Variants in WDR18 observed in about 807,000 individuals in gnomAD.
WDR18 encodes WD repeat-containing protein 18.
Under a neutral mutation model 49.6 loss-of-function variants are expected in WDR18, and 33 were observed. The observed-to-expected ratio is 0.67, with a 90% CI of 0.50 to 0.89. WDR18 has a LOEUF of 0.89. Ranked by LOEUF, WDR18 falls within the 40% of genes least tolerant of loss-of-function variation. WDR18 has a pLI of 0.00. For synonymous variants in WDR18, 315 were observed against 263.6 expected (o/e 1.19, Z -1.89); for missense variants, 653 against 593.6 (o/e 1.10, Z -1.04).
At chr19:990,150 TG>T (rs2038524051) in intron 3 of WDR18, 72 bp from the exon 4 acceptor site, 2 of 1,482,266 alleles carry the variant, frequency 1.3e-6, no homozygotes, top group Admixed American at 4.2e-5. Flanking sequence ...GTGCGTGAGG[TG>T]GGTGCTGGAG....
chr19:990,965 C>A lies in WDR18; in HGVS notation c.711C>A (p.Gly237=). The change falls in exon 5 of 10, where the codon GGC becomes GGA. Residue 237 remains glycine (G), a synonymous_variant. Coordinates refer to ENST00000585809, the MANE Select transcript of WDR18 (RefSeq NM_024100.4). ...EHHMFCGGSE[G]SIFQVDLFTW... ...ATATGTTCTGCGGGGGCAGTGAGGG[C>A]TCCATCTTCCAGGTCGACCTCTTCA... is the stretch of plus-strand genomic sequence containing the variant. 1 of 1,611,290 alleles carries A rather than the reference C, an allele frequency of 6.2e-7. No homozygotes were observed. The highest frequency in any genetic ancestry group is 8.5e-7 in the Non-Finnish European group (1 of 1,179,038).
intron 2 of WDR18, among the ~76,000 whole-genome samples, chr19:989,083 C>T (rs761656833): frequency 0.16 from 4,720 of 30,032 alleles, 439 homozygotes; most frequent in Non-Finnish European, 0.22. Flanking sequence ...AGCCCTCGAA[C>T]CCACAACCCC....
Position 994,181 on chromosome 19 carries a change from C to T in WDR18, c.1168-32C>T, listed in dbSNP as rs373356732. The T allele has an allele frequency of 1.8e-5, 29 of 1,578,160 alleles. No homozygotes were observed. The African/African-American group carries it at 2.7e-4, about 15-fold the overall frequency. ...CCCCCCTCCAGCACACCCCAGGCCA[C>T]TTCTGCCCTCTGACCCCGACTTCTC... On this transcript the variant is annotated intron_variant, in intron 9 of 9. Coordinates refer to ENST00000585809, the MANE Select transcript of WDR18 (RefSeq NM_024100.4).
chr19:992,815 G>C (rs1403836659), intron 8 of WDR18, among the ~76,000 whole-genome samples: 1 of 152,234 alleles, frequency 6.6e-6, no homozygotes, highest in African/African-American at 2.4e-5. Context: ...CCCGACCTTC[G>C]ATGAGCTGCC....
At chr19:986,348 C>T (rs1434590582) in intron 2 of WDR18, among the ~76,000 whole-genome samples, 1 of 152,220 alleles carries the variant, frequency 6.6e-6, no homozygotes, top group Non-Finnish European at 1.5e-5. Context: ...GTAGTCAATG[C>T]AACCTCTGCC....
intron 2 of WDR18, among the ~76,000 whole-genome samples, chr19:987,114 G>A (rs1355736059): frequency 2.6e-5 from 4 of 152,180 alleles, no homozygotes; most frequent in African/African-American, 4.8e-5. Flanking sequence ...AGGCTGAGAC[G>A]GGCAGATCAC....
At chr19:992,142 C>T in intron 8 of WDR18, 21 bp downstream of exon 8, 1 of 1,434,520 alleles carries the variant, frequency 7.0e-7, no homozygotes. Context: ...CAGCAGGGAA[C>T]CCCCACTGCC....
chr19:985,136 T>G (rs2145501394), intron 1 of WDR18, among the ~76,000 whole-genome samples: 2 of 152,208 alleles, frequency 1.3e-5, no homozygotes, highest in Middle Eastern at 6.8e-3. Flanking sequence ...CATTGCCTGA[T>G]GGAGTCTACA....
intron 9 of WDR18, 55 bp from the exon 10 acceptor site, chr19:994,158 C>G (rs2038599250): frequency 1.3e-6 from 2 of 1,552,890 alleles, no homozygotes; most frequent in Non-Finnish European, 8.7e-7. Context: ...GTGAGTGGCC[C>G]CCCTCCAGCA....
At position 991,638 on chromosome 19, in the gene WDR18, GGGGGCGTGGACTGGCTGT is replaced by G. The variant is rs1377522195; in HGVS notation, c.931+294_932-293del. 3.3e-5 allele frequency among the ~76,000 whole-genome samples: 3 copies of G among 90,254 alleles called. No individual in the cohort carries two copies. The East Asian group carries it at 1.1e-3, about 32-fold the overall frequency. The allele number at this position is 90,254 out of a possible 152,430, so 59.2% of individuals were successfully genotyped here. On this transcript the variant is annotated intron_variant, in intron 7 of 9. Transcript: ENST00000585809. ...GCCTGGCTGGGGGCGTGGACTGGCT[GGGGGCGTGGACTGGCTGT>G]GGGGCGGGGCCTGGCTGGGGGCGTG... is the stretch of plus-strand genomic sequence containing the variant.
chr19:994,197 C>A lies in WDR18; in HGVS notation c.1168-16C>A, dbSNP rs756287672. 2.5e-6 allele frequency: 4 copies of A among 1,589,998 alleles called. No homozygotes were observed. Among genetic ancestry groups the A allele is most frequent in the East Asian group, 2.3e-5 (1 of 43,852 alleles). The stretch of plus-strand genomic sequence containing the variant: ...CCCAGGCCACTTCTGCCCTCTGACC[C>A]CGACTTCTCCCGCAGAGCGTGCTCG... On this transcript the variant is annotated splice_polypyrimidine_tract_variant and intron_variant, in intron 9 of 9. Transcript: ENST00000585809.
chr19:993,778 C>T (rs1245587141), intron 8 of WDR18, among the ~76,000 whole-genome samples: 1 of 152,224 alleles, frequency 6.6e-6, no homozygotes. Flanking sequence ...CCAGCCACAT[C>T]CTTGGGCGCA....
upstream of WDR18, chr19:984,122 C>T: frequency 2.0e-6 from 1 of 490,390 alleles, no homozygotes; most frequent in South Asian, 3.2e-5. Context: ...CGCCGGAGAC[C>T]CTGGGCCTTG....
chr19:991,242 C>A lies in WDR18; in HGVS notation c.822C>A (p.Cys274Ter). 1 of 1,574,452 alleles carries A rather than the reference C, an allele frequency of 6.4e-7. No homozygotes were observed. Among genetic ancestry groups the A allele is most frequent in the Non-Finnish European group, 8.6e-7 (1 of 1,158,608 alleles). The change falls in exon 7 of 10, where the codon TGC becomes TGA. Residue 274 changes from cysteine to a stop codon, truncating the protein, a stop_gained. Transcript: ENST00000585809. LOFTEE classifies it high-confidence loss of function. The stretch of plus-strand genomic sequence containing the variant: ...GTCTGTCCAGGAACCAGGTGACTTG[C>A]CTGTCAGTGTCCACTGACGGCAGCG... ...VFKGHRNQVT[C>*]LSVSTDGSVL...
At chr19:984,598 G>A in intron 1 of WDR18, 35 bp downstream of exon 1, 1 of 1,389,916 alleles carries the variant, frequency 7.2e-7, no homozygotes, top group Non-Finnish European at 9.3e-7. Flanking sequence ...GGGGTCATGG[G>A]GCGCCCGAGG....
chr19:990,804 C>T (rs777326221), intron 4 of WDR18, 48 bp from the exon 5 acceptor site: 1 of 1,551,520 alleles, frequency 6.4e-7, no homozygotes, highest in East Asian at 2.3e-5. Flanking sequence ...ATGGGGTCCT[C>T]GGGTTCCCCC....
At chr19:990,148 G>T in intron 3 of WDR18, 75 bp from the exon 4 acceptor site, 1 of 1,480,898 alleles carries the variant, frequency 6.8e-7, no homozygotes, top group Non-Finnish European at 9.0e-7. Flanking sequence ...GTGTGCGTGA[G>T]GTGGGTGCTG....
At chr19:989,466 C>T (rs747033204) in intron 2 of WDR18, among the ~76,000 whole-genome samples, 1 of 152,164 alleles carries the variant, frequency 6.6e-6, no homozygotes, top group Non-Finnish European at 1.5e-5. Context: ...TCACAGGGGA[C>T]CAGCACCTCC....
chr19:985,883 A>G lies in WDR18; in HGVS notation c.229A>G (p.Ile77Val). The change falls in exon 2 of 10, where the codon ATC becomes GTC. Residue 77 changes from isoleucine to valine, a missense_variant. Physicochemically the swap from Ile to Val is conservative, Grantham distance 29. Transcript: ENST00000585809. ...TCCTTAGGACCAGCTCCAGCAGAAG[A>G]TCATGTGCCCCGGGCCTGTCACCTG... ...LQRKDQLQQK[I>V]MCPGPVTCLT... The G allele has an allele frequency of 1.2e-6, 2 of 1,613,862 alleles. No homozygotes were observed. The highest frequency in any genetic ancestry group is 1.7e-6 in the Non-Finnish European group (2 of 1,179,972).
Sources: allele counts gnomAD v4.1 joint callset (sites outside exome capture counted in the v4.1 genomes callset), GRCh38; gene constraint gnomAD v4.1.1; transcripts MANE v1.5; gene names NCBI Gene and HGNC (gene_info 2026-07-23, HGNC 2026-07-21).